ADGRB3: variants seen among roughly 807,000 people sequenced by gnomAD.
ADGRB3 encodes adhesion G protein-coupled receptor B3, also known as brain-specific angiogenesis inhibitor 3.
A neutral mutation model predicts 193.4 loss-of-function variants in ADGRB3; 37 were observed. The ratio of observed to expected loss-of-function variants is 0.19; its 90% confidence interval spans 0.15 to 0.25. The LOEUF (loss-of-function observed/expected upper bound fraction) is 0.25, where lower values mean the gene tolerates loss of function less well. Among genes scored for constraint, ADGRB3 ranks in the 10% least tolerant of loss-of-function variants. ADGRB3 has a pLI of 1.00. For synonymous variants in ADGRB3, 690 were observed against 644.2 expected (o/e 1.07, Z -1.08); for missense variants, 1,637 against 1,852.9 (o/e 0.88, Z 2.14).
chr6:69,280,011 T>G (rs1437562429), intron 20 of ADGRB3, among the ~76,000 whole-genome samples: 1 of 152,196 alleles, frequency 6.6e-6, no homozygotes, highest in Non-Finnish European at 1.5e-5. Flanking sequence ...GCGTCTGCGC[T>G]CCTGTTTTCT....
intron 3 of ADGRB3, among the ~76,000 whole-genome samples, chr6:68,810,610 C>T (rs940406648): frequency 3.9e-5 from 6 of 151,954 alleles, no homozygotes; most frequent in South Asian, 2.1e-4. Context: ...TTGAGGTAGA[C>T]GATTTTGAGT....
chr6:69,206,691 A>T (rs1005422160), intron 17 of ADGRB3, among the ~76,000 whole-genome samples: 1 of 152,190 alleles, frequency 6.6e-6, no homozygotes, highest in Non-Finnish European at 1.5e-5. Context: ...AAGAAAAGAA[A>T]TTAAATGAAG....
intron 3 of ADGRB3, among the ~76,000 whole-genome samples, chr6:68,739,994 GTA>G (rs1363294889): frequency 7.6e-6 from 1 of 131,110 alleles, no homozygotes; most frequent in Non-Finnish European, 1.7e-5. Context: ...TTAATAACAG[GTA>G]CAACATTATT....
intron 3 of ADGRB3, among the ~76,000 whole-genome samples, chr6:68,671,083 G>A (rs1221241727): frequency 1.3e-5 from 2 of 151,912 alleles, no homozygotes; most frequent in Non-Finnish European, 2.9e-5. Flanking sequence ...ATGTAAAAAT[G>A]CTACTAAATT....
At chr6:68,731,720 T>G (rs1765779739) in intron 3 of ADGRB3, among the ~76,000 whole-genome samples, 1 of 151,568 alleles carries the variant, frequency 6.6e-6, no homozygotes, top group Non-Finnish European at 1.5e-5. Context: ...AATCATATAA[T>G]CTTAGTCACT....
At chr6:69,228,229 C>T (rs990482763) in intron 17 of ADGRB3, among the ~76,000 whole-genome samples, 2 of 152,060 alleles carry the variant, frequency 1.3e-5, no homozygotes, top group African/African-American at 4.8e-5. Context: ...TGCATTCCAG[C>T]CTGGACAACA....
chr6:68,909,694 GGGACTTAAATGGTTCCTATCACTC>G (rs1204144727), intron 3 of ADGRB3, among the ~76,000 whole-genome samples: 1 of 152,128 alleles, frequency 6.6e-6, no homozygotes, highest in Non-Finnish European at 1.5e-5. Flanking sequence ...GTCTCAGAGT[GGGACTTAAATGGTTCCTATCACTC>G]TTTTCCAAAC....
chr6:68,942,492 A>C (rs1338682549), intron 5 of ADGRB3, among the ~76,000 whole-genome samples: 1 of 152,088 alleles, frequency 6.6e-6, no homozygotes, highest in East Asian at 1.9e-4. Context: ...AAAAAAGCAC[A>C]TTTTTTCTCA....
intron 30 of ADGRB3, among the ~76,000 whole-genome samples, chr6:69,376,665 A>G (rs966471167): frequency 3.3e-5 from 5 of 152,074 alleles, no homozygotes; most frequent in African/African-American, 1.2e-4. Flanking sequence ...TAGAAATCAA[A>G]GTATATTTCA....
chr6:69,051,133 T>G (rs1771381307), intron 15 of ADGRB3, among the ~76,000 whole-genome samples: 1 of 152,142 alleles, frequency 6.6e-6, no homozygotes, highest in Non-Finnish European at 1.5e-5. Flanking sequence ...AAAAAAAATT[T>G]CATGACAGAG....
chr6:68,770,315 T>C (rs1308559821), intron 3 of ADGRB3, among the ~76,000 whole-genome samples: 1 of 152,156 alleles, frequency 6.6e-6, no homozygotes, highest in African/African-American at 2.4e-5. Flanking sequence ...GTTGGGAATA[T>C]GCAGACCCTC....
At chr6:68,844,507 G>A (rs532402343) in intron 3 of ADGRB3, among the ~76,000 whole-genome samples, 1 of 152,150 alleles carries the variant, frequency 6.6e-6, no homozygotes, top group East Asian at 1.9e-4. Flanking sequence ...TGCTAGTAAG[G>A]ATGTGGAGAA....
At chr6:68,863,795 C>A (rs1279210202) in intron 3 of ADGRB3, among the ~76,000 whole-genome samples, 1 of 152,100 alleles carries the variant, frequency 6.6e-6, no homozygotes, top group Non-Finnish European at 1.5e-5. Flanking sequence ...CTCTCAATAT[C>A]CGTTACATTA....
At chr6:68,928,530 C>T (rs987192055) in intron 3 of ADGRB3, among the ~76,000 whole-genome samples, 23 of 152,018 alleles carry the variant, frequency 1.5e-4, no homozygotes, top group Admixed American at 3.9e-4. Context: ...CCAAGACCCA[C>T]GGACATACTC....
intron 17 of ADGRB3, among the ~76,000 whole-genome samples, chr6:69,109,073 A>G (rs570769097): frequency 5.9e-5 from 9 of 152,342 alleles, no homozygotes; most frequent in East Asian, 3.9e-4. Context: ...AGGGCATTCA[A>G]TAAGAGGGTT....
chr6:69,245,569 C>T (rs1766481345), intron 20 of ADGRB3, among the ~76,000 whole-genome samples: 1 of 152,192 alleles, frequency 6.6e-6, no homozygotes, highest in East Asian at 1.9e-4. Context: ...ACCAGCAAGA[C>T]CAAACTTCTA....
At chr6:69,382,982 A>G (rs374449782) in intron 31 of ADGRB3, 47 bp downstream of exon 31, 95 of 1,317,622 alleles carry the variant, frequency 7.2e-5, no homozygotes, top group Non-Finnish European at 9.8e-5. Context: ...GCATCATGTC[A>G]GATATTATTC....
chr6:69,351,004 A>C (rs1769209769), intron 26 of ADGRB3, among the ~76,000 whole-genome samples: 1 of 152,084 alleles, frequency 6.6e-6, no homozygotes, highest in Non-Finnish European at 1.5e-5. Context: ...AGAAATGTGC[A>C]CTATGAAATC....
intron 13 of ADGRB3, among the ~76,000 whole-genome samples, chr6:69,042,837 A>C (rs1771112048): frequency 6.6e-6 from 1 of 152,210 alleles, no homozygotes; most frequent in African/African-American, 2.4e-5. Context: ...CAAACTTCAA[A>C]TATATTGAAA....
Sources: gnomAD v4.1 joint callset for allele counts (sites outside exome capture counted in the v4.1 genomes callset) on GRCh38, gnomAD v4.1.1 for gene constraint, MANE v1.5 for transcripts, NCBI Gene and HGNC (gene_info 2026-07-23, HGNC 2026-07-21) for gene names.